Variants in MAP3K1 observed in about 807,000 individuals in gnomAD.
MAP3K1 encodes MAP/ERK kinase kinase 1.
Under a neutral mutation model 144.2 loss-of-function variants are expected in MAP3K1, and 36 were observed. The observed-to-expected ratio is 0.25, with a 90% CI of 0.19 to 0.33. MAP3K1 has a LOEUF of 0.33. MAP3K1 is among the 10% of genes least tolerant of loss of function. The pLI, the probability that MAP3K1 is intolerant of heterozygous loss-of-function variation, is 1.00. For synonymous variants in MAP3K1, 718 were observed against 688.7 expected (o/e 1.04, Z -0.67); for missense variants, 1,650 against 1,881.9 (o/e 0.88, Z 2.28).
chr5:56,817,606 G>A (rs999759991), intron 1 of MAP3K1, among the ~76,000 whole-genome samples: 21 of 152,312 alleles, frequency 1.4e-4, no homozygotes, highest in Middle Eastern at 3.4e-3. Flanking sequence ...TCTTACAAGA[G>A]TTATGTACCT....
intron 1 of MAP3K1, among the ~76,000 whole-genome samples, chr5:56,816,629 C>A (rs1018896336): frequency 6.6e-6 from 1 of 152,134 alleles, no homozygotes; most frequent in Admixed American, 6.5e-5. Context: ...TAGGCAGATA[C>A]CGCGGGCTGG....
chr5:56,843,063 T>C (rs566950361), intron 1 of MAP3K1, among the ~76,000 whole-genome samples: 16 of 152,352 alleles, frequency 1.1e-4, no homozygotes, highest in Admixed American at 1.0e-3. Context: ...GGTTTTGTTG[T>C]AGATGCAACA....
intron 1 of MAP3K1, among the ~76,000 whole-genome samples, chr5:56,828,938 T>A (rs1005835361): frequency 3.3e-5 from 5 of 152,158 alleles, no homozygotes; most frequent in Non-Finnish European, 5.9e-5. Flanking sequence ...GCTTCCTAAT[T>A]GTGAAAATTT....
Position 56,894,108 on chromosome 5 carries a change from A to C in MAP3K1, c.*428A>C, listed in dbSNP as rs1748631933. The C allele has an allele frequency of 3.1e-6, 1 of 320,272 alleles. No homozygotes were observed. Among genetic ancestry groups the C allele is most frequent in the African/African-American group, 2.1e-5 (1 of 48,184 alleles). The allele number at this position is 320,272 out of a possible 1,614,324, so 19.8% of individuals were successfully genotyped here. ...TGCAATTCCGTTCAAATTTTTTGTC[A>C]CTGGCTATAAAATCAGTATCTGCCT... is the stretch of plus-strand genomic sequence containing the variant. On this transcript the variant is annotated 3_prime_UTR_variant, in exon 20 of 20. Transcript: ENST00000399503.
At chr5:56,846,566 CTTA>C (rs1747003385) in intron 1 of MAP3K1, among the ~76,000 whole-genome samples, 1 of 152,162 alleles carries the variant, frequency 6.6e-6, no homozygotes, top group Non-Finnish European at 1.5e-5. Flanking sequence ...CTTGATTTGT[CTTA>C]TCTCTTTTAG....
intron 1 of MAP3K1, among the ~76,000 whole-genome samples, chr5:56,841,705 T>C (rs1746821201): frequency 6.6e-6 from 1 of 152,200 alleles, no homozygotes. Context: ...GATAAATGAA[T>C]TGTATGTTCA....
At chr5:56,885,761 C>G (rs1748360277) in intron 16 of MAP3K1, among the ~76,000 whole-genome samples, 171 bp from the exon 17 acceptor site, 1 of 152,110 alleles carries the variant, frequency 6.6e-6, no homozygotes, top group Non-Finnish European at 1.5e-5. Flanking sequence ...GAAAATGTCT[C>G]CTAATTAGTA....
At chr5:56,883,017 T>C in intron 14 of MAP3K1, 151 bp downstream of exon 14, 1 of 662,240 alleles carries the variant, frequency 1.5e-6, no homozygotes, top group Non-Finnish European at 2.5e-6. Context: ...AGCAAGACCC[T>C]GTCTCTACAA....
At chr5:56,888,635 C>T (rs113109150) in intron 19 of MAP3K1, among the ~76,000 whole-genome samples, 7 of 152,302 alleles carry the variant, frequency 4.6e-5, no homozygotes, top group African/African-American at 1.7e-4. Context: ...GGCAGCGAGT[C>T]ACAGCTCCCA....
intron 1 of MAP3K1, among the ~76,000 whole-genome samples, chr5:56,848,216 C>T (rs967507199): frequency 6.6e-6 from 1 of 152,166 alleles, no homozygotes; most frequent in Non-Finnish European, 1.5e-5. Flanking sequence ...ATGATTGTTA[C>T]AAATTTACTA....
chr5:56,887,949 A>G, intron 18 of MAP3K1: 1 of 501,676 alleles, frequency 2.0e-6, no homozygotes, highest in Non-Finnish European at 3.6e-6. Context: ...TCATGTTCAT[A>G]TGTAGTAATG....
At position 56,849,190 on chromosome 5, in the gene MAP3K1, G is replaced by A. The variant is rs1469286079; in HGVS notation, c.483-7410G>A. Among the ~76,000 whole-genome samples the A allele has an allele frequency of 4.6e-5, 7 of 151,908 alleles. No individual in the cohort carries two copies. In the East Asian group the frequency reaches 1.2e-3, roughly 25 times the overall value. ...TGGAGAAACCCCATCTGTACAAAAA[G>A]TACAAAAAAATGAGTCAGGTATGGT... On this transcript the variant is annotated intron_variant, in intron 1 of 19. Transcript: ENST00000399503.
chr5:56,839,893 T>A (rs1460124099), intron 1 of MAP3K1, among the ~76,000 whole-genome samples: 1 of 66,776 alleles, frequency 1.5e-5, no homozygotes, highest in Non-Finnish European at 3.8e-5. Context: ...AATAAGTGGG[T>A]AAATAATCAT....
intron 1 of MAP3K1, among the ~76,000 whole-genome samples, chr5:56,828,941 G>T (rs1238841935): frequency 6.6e-6 from 1 of 151,846 alleles, no homozygotes; most frequent in Non-Finnish European, 1.5e-5. Context: ...TCCTAATTGT[G>T]AAAATTTACA....
chr5:56,825,008 C>CT (rs1214283016), intron 1 of MAP3K1, among the ~76,000 whole-genome samples: 9 of 150,932 alleles, frequency 6.0e-5, no homozygotes, highest in African/African-American at 9.7e-5. Context: ...CTAGATTCTT[C>CT]TTTTTTTGTT....
At chr5:56,866,071 T>G (rs1747662832) in intron 6 of MAP3K1, 94 bp downstream of exon 6, 1 of 1,061,694 alleles carries the variant, frequency 9.4e-7, no homozygotes, top group South Asian at 1.3e-5. Context: ...TGCTCTAAAA[T>G]GATTTAATTA....
chr5:56,839,731 G>C (rs1746755352), intron 1 of MAP3K1, among the ~76,000 whole-genome samples: 1 of 152,060 alleles, frequency 6.6e-6, no homozygotes, highest in Non-Finnish European at 1.5e-5. Flanking sequence ...TGCACGTTAG[G>C]TTCATTGTCA....
intron 1 of MAP3K1, among the ~76,000 whole-genome samples, chr5:56,825,421 T>C (rs1409789329): frequency 6.6e-6 from 1 of 152,200 alleles, no homozygotes; most frequent in Non-Finnish European, 1.5e-5. Flanking sequence ...CAGCCGTATC[T>C]TTGCTGACTC....
At chr5:56,849,370 A>AG (rs1474889160) in intron 1 of MAP3K1, among the ~76,000 whole-genome samples, 1 of 144,910 alleles carries the variant, frequency 6.9e-6, no homozygotes, top group Non-Finnish European at 1.5e-5. Flanking sequence ...AAAAAAAAAA[A>AG]GAATCAATCC....
Sources: gnomAD v4.1 joint callset for allele counts (sites outside exome capture counted in the v4.1 genomes callset) on GRCh38, gnomAD v4.1.1 for gene constraint, MANE v1.5 for transcripts, NCBI Gene and HGNC (gene_info 2026-07-23, HGNC 2026-07-21) for gene names.